The following HNF4G variants were observed in gnomAD, a reference collection of about 807,000 sequenced individuals.
HNF4G encodes the protein hepatocyte nuclear factor 4-gamma.
In HNF4G, 21 loss-of-function variants were observed where a neutral mutation model predicts 50.9. That is an observed-to-expected ratio of 0.41 (90% CI 0.29 to 0.59). The LOEUF is 0.59. Among genes scored for constraint, HNF4G ranks in the 20% least tolerant of loss-of-function variants. The probability of loss-of-function intolerance (pLI) is 0.26; values close to 1 mark genes in which losing one functional copy is unlikely to be tolerated. For synonymous variants in HNF4G, 198 were observed against 185.6 expected (o/e 1.07, Z -0.54); for missense variants, 527 against 559.4 (o/e 0.94, Z 0.58).
intron 8 of HNF4G, among the ~76,000 whole-genome samples, chr8:75,559,838 G>A (rs565991500): frequency 3.9e-5 from 6 of 152,124 alleles, no homozygotes; most frequent in African/African-American, 1.2e-4. Flanking sequence ...ATAGTAGAAA[G>A]GGAAAATGAT....
At chr8:75,551,245 G>A in intron 3 of HNF4G, 143 bp from the exon 4 acceptor site, 1 of 557,028 alleles carries the variant, frequency 1.8e-6, no homozygotes, top group Non-Finnish European at 3.2e-6. Flanking sequence ...GAAAGTAGTG[G>A]AGAATGAAAA....
chr8:75,528,777 T>G (rs1174377234), intron 2 of HNF4G, among the ~76,000 whole-genome samples: 3 of 126,802 alleles, frequency 2.4e-5, no homozygotes. Context: ...AGCCTAAACT[T>G]CTACTTTTTT....
chr8:75,522,380 C>T (rs1235145246), intron 2 of HNF4G, among the ~76,000 whole-genome samples: 3 of 152,094 alleles, frequency 2.0e-5, no homozygotes, highest in Admixed American at 6.6e-5. Flanking sequence ...TTATAATTCT[C>T]AAAAGGCTCA....
intron 8 of HNF4G, among the ~76,000 whole-genome samples, chr8:75,559,285 T>TG (rs1563555595): frequency 6.7e-6 from 1 of 149,682 alleles, no homozygotes; most frequent in African/African-American, 2.5e-5. Flanking sequence ...TTGTTTTTTT[T>TG]TTTTTTTAAG....
At chr8:75,515,513 A>C (rs1428506361) in intron 2 of HNF4G, among the ~76,000 whole-genome samples, 1 of 152,142 alleles carries the variant, frequency 6.6e-6, no homozygotes, top group African/African-American at 2.4e-5. Context: ...CTGAAGACTC[A>C]GGAAAACTAG....
chr8:75,516,656 G>A (rs1805896235), intron 2 of HNF4G, among the ~76,000 whole-genome samples: 1 of 152,106 alleles, frequency 6.6e-6, no homozygotes. Flanking sequence ...TGAGAGATGA[G>A]TGCTGAAGAA....
In HNF4G at chr8:75,423,815, C is replaced by CTTTTTTTTTTTTTTTTTTTTTT. The variant is rs548125507; in HGVS notation, c.-144+15659_-144+15680dup. ...TTGAAACTTTCTGCCAAGTTTCTTT[C>CTTTTTTTTTTTTTTTTTTTTTT]TTTTTTTTTTTTTTTTTTTTTTTTT... On this transcript the variant is annotated intron_variant, in intron 1 of 10. Transcript: ENST00000354370. Among the ~76,000 whole-genome samples the CTTTTTTTTTTTTTTTTTTTTTT allele has an allele frequency of 2.8e-5, 2 of 71,176 alleles. 1 individual carries two copies. Among genetic ancestry groups the CTTTTTTTTTTTTTTTTTTTTTT allele is most frequent in the Non-Finnish European group, 4.9e-5 (2 of 40,528 alleles). The allele number at this position is 71,176 out of a possible 152,430, so 46.7% of individuals were successfully genotyped here.
chr8:75,556,622 GA>G, intron 6 of HNF4G, among the ~76,000 whole-genome samples: 1 of 152,208 alleles, frequency 6.6e-6, no homozygotes, highest in South Asian at 2.1e-4. Flanking sequence ...AAGACATAAA[GA>G]AAAGACATTT....
intron 2 of HNF4G, among the ~76,000 whole-genome samples, chr8:75,533,398 G>T (rs1267877118): frequency 6.6e-6 from 1 of 151,840 alleles, no homozygotes; most frequent in South Asian, 2.1e-4. Context: ...AACCTTGGGG[G>T]TTCTTCAAAA....
intron 1 of HNF4G, 66 bp from the exon 2 acceptor site, chr8:75,543,745 T>C: frequency 1.5e-6 from 2 of 1,349,560 alleles, no homozygotes; most frequent in Non-Finnish European, 2.1e-6. Context: ...CTATAAATAA[T>C]TAGTAGGACA....
At chr8:75,526,253 C>T (rs1342251632) in intron 2 of HNF4G, among the ~76,000 whole-genome samples, 5 of 151,906 alleles carry the variant, frequency 3.3e-5, no homozygotes, top group South Asian at 4.2e-4. Context: ...CTCAACCTCC[C>T]GAGTAGCTGT....
chr8:75,517,257 A>G (rs956889562), intron 2 of HNF4G, among the ~76,000 whole-genome samples: 4 of 152,092 alleles, frequency 2.6e-5, no homozygotes, highest in African/African-American at 7.2e-5. Flanking sequence ...CAGCCAAACT[A>G]TATCATTCTG....
At chr8:75,530,965 G>A (rs2943585) in intron 2 of HNF4G, among the ~76,000 whole-genome samples, 13,965 of 151,750 alleles carry the variant, frequency 0.092, 897 homozygotes, top group African/African-American at 0.18. Flanking sequence ...GCTAATTTTG[G>A]TATTTTTTGG....
At position 75,505,187 on chromosome 8, in the gene HNF4G, T is replaced by C. The variant is rs536849014; in HGVS notation, c.-24+14979T>C. On this transcript the variant is annotated intron_variant, in intron 2 of 10. Coordinates refer to the HNF4G transcript ENST00000354370. Reference sequence around the variant, plus strand: ...AAGTACTGATTTTACCCACTAAATGTTGGTAGTTACTGATTTCTAAACTCA... The same window carrying C: ...AAGTACTGATTTTACCCACTAAATGCTGGTAGTTACTGATTTCTAAACTCA... Among the ~76,000 whole-genome samples, 13 of 152,280 alleles carry C rather than the reference T, an allele frequency of 8.5e-5. No individual in the cohort carries two copies. In the South Asian group the frequency reaches 2.5e-3, roughly 29 times the overall value.
chr8:75,542,813 T>A (rs960931956), intron 1 of HNF4G, among the ~76,000 whole-genome samples: 1 of 152,170 alleles, frequency 6.6e-6, no homozygotes, highest in Non-Finnish European at 1.5e-5. Context: ...AGAACTTAGA[T>A]AGCAGGCTGT....
chr8:75,550,606 C>G (rs1354419117), intron 3 of HNF4G, among the ~76,000 whole-genome samples: 1 of 152,026 alleles, frequency 6.6e-6, no homozygotes, highest in Non-Finnish European at 1.5e-5. Context: ...TTTATTCTCT[C>G]TCTGGTAAAC....
At chr8:75,422,544 T>A (rs1320134252) in intron 1 of HNF4G, among the ~76,000 whole-genome samples, 1 of 152,194 alleles carries the variant, frequency 6.6e-6, no homozygotes, top group Non-Finnish European at 1.5e-5. Context: ...AGATTTTAAG[T>A]TTTTTTAAAT....
chr8:75,466,624 C>CG lies in HNF4G; in HGVS notation c.-143-23465_-143-23464insG, dbSNP rs1811988858. On this transcript the variant is annotated intron_variant, in intron 1 of 10. Transcript: ENST00000354370. The stretch of plus-strand genomic sequence containing the variant: ...TCCTTCCTTCCTTCCTTCCTTCCTT[C>CG]CTTCCTTCCTTCTCCCTTCCCTTCC... Among the ~76,000 whole-genome samples, 50 of 91,416 alleles carry CG rather than the reference C, an allele frequency of 5.5e-4. 1 individual carries two copies. The South Asian group carries it at 0.011, about 19-fold the overall frequency. 60.0% of individuals were successfully genotyped at this position (91,416 alleles called of 152,430 possible).
intron 2 of HNF4G, among the ~76,000 whole-genome samples, chr8:75,534,048 C>T (rs1806398075): frequency 6.6e-6 from 1 of 151,986 alleles, no homozygotes; most frequent in African/African-American, 2.4e-5. Flanking sequence ...CATTATACCT[C>T]TTCAGAACAG....
Sources: gnomAD v4.1 joint callset for allele counts (sites outside exome capture counted in the v4.1 genomes callset) on GRCh38, gnomAD v4.1.1 for gene constraint, MANE v1.5 for transcripts, NCBI Gene and HGNC (gene_info 2026-07-23, HGNC 2026-07-21) for gene names.